The following ANGPT1 variants were observed in gnomAD, a reference collection of about 807,000 sequenced individuals.
The protein encoded by ANGPT1 is angiopoietin 1.
A neutral mutation model predicts 62.2 loss-of-function variants in ANGPT1; 17 were observed. That is an observed-to-expected ratio of 0.27 (90% CI 0.19 to 0.41). The LOEUF is 0.41. Among genes scored for constraint, ANGPT1 ranks in the 10% least tolerant of loss-of-function variants. ANGPT1 has a pLI of 1.00. For missense variants in ANGPT1, 478 were observed against 594.9 expected (o/e 0.80, Z 2.04); for synonymous variants, 199 against 198.9 (o/e 1.00, Z 0.00).
intron 1 of ANGPT1, among the ~76,000 whole-genome samples, chr8:107,374,192 T>C (rs892246): frequency 0.74 from 113,323 of 152,118 alleles, 43,080 homozygotes; most frequent in East Asian, 0.87. Context: ...TATTTCCATC[T>C]TAAAAGTATG....
intron 1 of ANGPT1, among the ~76,000 whole-genome samples, chr8:107,475,307 T>C (rs375802340): frequency 6.6e-6 from 1 of 152,104 alleles, no homozygotes; most frequent in Non-Finnish European, 1.5e-5. Context: ...TGATCTTTGA[T>C]AAACCTGACA....
intron 7 of ANGPT1, 92 bp from the exon 8 acceptor site, chr8:107,264,443 C>T (rs982143021): frequency 4.0e-5 from 58 of 1,462,958 alleles, no homozygotes; most frequent in Non-Finnish European, 7.3e-6. Context: ...CCTTTTTCAT[C>T]ATTTTCTTCT....
At chr8:107,478,063 G>GTTT (rs146651787) in intron 1 of ANGPT1, among the ~76,000 whole-genome samples, 2 of 143,854 alleles carry the variant, frequency 1.4e-5, no homozygotes, top group African/African-American at 2.5e-5. Flanking sequence ...TATTTCTCCT[G>GTTT]TTTTTTTTTT....
chr8:107,405,508 T>C (rs1475468266), intron 1 of ANGPT1, among the ~76,000 whole-genome samples: 1 of 151,990 alleles, frequency 6.6e-6, no homozygotes, highest in East Asian at 1.9e-4. Context: ...GATCAAAACA[T>C]TGTTTAAGGA....
At chr8:107,410,930 T>G (rs1029650184) in intron 1 of ANGPT1, among the ~76,000 whole-genome samples, 1 of 152,188 alleles carries the variant, frequency 6.6e-6, no homozygotes, top group East Asian at 1.9e-4. Context: ...TAACTGTTTG[T>G]GCCAAGTAAT....
At chr8:107,285,037 C>T (rs1012373822) in intron 6 of ANGPT1, among the ~76,000 whole-genome samples, 189 bp from the exon 7 acceptor site, 5 of 152,098 alleles carry the variant, frequency 3.3e-5, no homozygotes, top group African/African-American at 1.2e-4. Context: ...AAGCTTCTGT[C>T]TAATTCTTAC....
chr8:107,444,892 G>T (rs764964535), intron 1 of ANGPT1, among the ~76,000 whole-genome samples: 8 of 152,106 alleles, frequency 5.3e-5, no homozygotes, highest in Non-Finnish European at 1.2e-4. Flanking sequence ...CCAAAAACCC[G>T]GGGAGTGAAC....
At chr8:107,445,424 G>C (rs1471465513) in intron 1 of ANGPT1, among the ~76,000 whole-genome samples, 1 of 152,118 alleles carries the variant, frequency 6.6e-6, no homozygotes, top group African/African-American at 2.4e-5. Flanking sequence ...TCCTTCAAGA[G>C]TTATAATTTT....
intron 1 of ANGPT1, among the ~76,000 whole-genome samples, chr8:107,362,275 A>G (rs1003721227): frequency 3.9e-5 from 6 of 152,212 alleles, no homozygotes; most frequent in African/African-American, 1.2e-4. Flanking sequence ...AAGTGAGAAA[A>G]ACAAGTATAT....
chr8:107,272,966 A>G (rs1205157545), intron 7 of ANGPT1, among the ~76,000 whole-genome samples: 1 of 151,498 alleles, frequency 6.6e-6, no homozygotes, highest in Non-Finnish European at 1.5e-5. Flanking sequence ...CAGTCCCTTA[A>G]ACATATTTGG....
At chr8:107,362,118 T>C (rs957139067) in intron 1 of ANGPT1, among the ~76,000 whole-genome samples, 1 of 152,210 alleles carries the variant, frequency 6.6e-6, no homozygotes, top group Non-Finnish European at 1.5e-5. Context: ...GATGTGCATA[T>C]GTATTATACA....
intron 1 of ANGPT1, among the ~76,000 whole-genome samples, chr8:107,383,742 G>T (rs777568331): frequency 1.3e-5 from 2 of 152,206 alleles, no homozygotes; most frequent in East Asian, 1.9e-4. Context: ...TATATGAAAG[G>T]TTGAAAGATT....
intron 1 of ANGPT1, among the ~76,000 whole-genome samples, chr8:107,477,480 A>G (rs1010785951): frequency 6.6e-6 from 1 of 152,166 alleles, no homozygotes; most frequent in African/African-American, 2.4e-5. Context: ...TGAGGATACC[A>G]TGGGTCCGTG....
intron 1 of ANGPT1, among the ~76,000 whole-genome samples, chr8:107,485,757 T>A (rs531585754): frequency 6.6e-6 from 1 of 152,344 alleles, no homozygotes; most frequent in South Asian, 2.1e-4. Flanking sequence ...CACTTTCACT[T>A]TTCCAAGCAG....
chr8:107,351,719 T>A (rs879679255), intron 1 of ANGPT1, among the ~76,000 whole-genome samples: 1 of 152,070 alleles, frequency 6.6e-6, no homozygotes, highest in Non-Finnish European at 1.5e-5. Context: ...GTGGAAAGTT[T>A]ATTTGCCAGT....
chr8:107,386,812 T>C (rs1816739975), intron 1 of ANGPT1, among the ~76,000 whole-genome samples: 1 of 152,118 alleles, frequency 6.6e-6, no homozygotes, highest in Admixed American at 6.6e-5. Flanking sequence ...AGTCAGTAAC[T>C]AGTTAATACA....
intron 1 of ANGPT1, among the ~76,000 whole-genome samples, chr8:107,400,839 C>T (rs368138806): frequency 2.6e-5 from 4 of 151,350 alleles, no homozygotes; most frequent in African/African-American, 4.9e-5. Flanking sequence ...GGATTACAAG[C>T]GTGAGCCACC....
chr8:107,412,806 C>T (rs1810623421), intron 1 of ANGPT1, among the ~76,000 whole-genome samples: 1 of 152,098 alleles, frequency 6.6e-6, no homozygotes, highest in Non-Finnish European at 1.5e-5. Context: ...AGGAAGGGCT[C>T]TTTGGTATTT....
intron 2 of ANGPT1, among the ~76,000 whole-genome samples, chr8:107,346,494 T>G (rs184226528): frequency 1.1e-4 from 16 of 152,300 alleles, no homozygotes; most frequent in African/African-American, 3.8e-4. Flanking sequence ...ACACACATAT[T>G]CCTCATAACT....
Sources: allele counts gnomAD v4.1 joint callset (sites outside exome capture counted in the v4.1 genomes callset), GRCh38; gene constraint gnomAD v4.1.1; transcripts MANE v1.5; gene names NCBI Gene and HGNC (gene_info 2026-07-23, HGNC 2026-07-21).